Variants in ST3GAL1 observed in about 807,000 individuals in gnomAD.
The protein encoded by ST3GAL1 is ST3 beta-galactoside alpha-2,3-sialyltransferase 1.
Under a neutral mutation model 34.1 loss-of-function variants are expected in ST3GAL1, and 16 were observed. That is an observed-to-expected ratio of 0.47 (90% CI 0.32 to 0.71). The LOEUF (loss-of-function observed/expected upper bound fraction) is 0.71. ST3GAL1 is among the 30% of genes least tolerant of loss of function. ST3GAL1 has a pLI of 0.04. For missense variants in ST3GAL1, 353 were observed against 447.4 expected (o/e 0.79, Z 1.90); for synonymous variants, 191 against 184.7 (o/e 1.03, Z -0.28).
chr8:133,495,424 GAGA>G (rs1439638585), intron 3 of ST3GAL1, among the ~76,000 whole-genome samples: 4 of 152,222 alleles, frequency 2.6e-5, no homozygotes, highest in African/African-American at 9.6e-5. Context: ...AACTGAGGCT[GAGA>G]AGTTCAGCCA....
At chr8:133,481,715 C>G (rs1586602454) in intron 3 of ST3GAL1, among the ~76,000 whole-genome samples, 1 of 152,098 alleles carries the variant, frequency 6.6e-6, no homozygotes, top group East Asian at 1.9e-4. Flanking sequence ...AGGCTGGTCT[C>G]GAACTCTCGA....
At chr8:133,482,529 C>T (rs898358158) in intron 3 of ST3GAL1, among the ~76,000 whole-genome samples, 16 of 152,228 alleles carry the variant, frequency 1.1e-4, no homozygotes, top group Admixed American at 6.5e-5. Context: ...CCACCACCTC[C>T]CTGCCCCACC....
chr8:133,474,872 C>A (rs998713357), intron 5 of ST3GAL1, among the ~76,000 whole-genome samples: 1 of 152,134 alleles, frequency 6.6e-6, no homozygotes, highest in Non-Finnish European at 1.5e-5. Context: ...TCTGTGTGAG[C>A]CTACCTTGTT....
chr8:133,542,427 C>T (rs953354720), intron 2 of ST3GAL1, among the ~76,000 whole-genome samples: 4 of 152,172 alleles, frequency 2.6e-5, no homozygotes, highest in African/African-American at 7.2e-5. Flanking sequence ...CTAATGATCA[C>T]AAAAGACTGC....
At chr8:133,535,771 G>T (rs1429019845) in intron 2 of ST3GAL1, among the ~76,000 whole-genome samples, 3 of 152,150 alleles carry the variant, frequency 2.0e-5, no homozygotes, top group African/African-American at 7.2e-5. Flanking sequence ...GCATAAGCCA[G>T]CATGGCTTTA....
At chr8:133,544,252 C>T (rs1818615640) in intron 2 of ST3GAL1, among the ~76,000 whole-genome samples, 1 of 152,166 alleles carries the variant, frequency 6.6e-6, no homozygotes, top group African/African-American at 2.4e-5. Context: ...TTGTTATTCC[C>T]ACTTGCACTG....
intron 2 of ST3GAL1, among the ~76,000 whole-genome samples, chr8:133,514,928 G>A (rs997739001): frequency 6.6e-6 from 1 of 152,018 alleles, no homozygotes; most frequent in Non-Finnish European, 1.5e-5. Flanking sequence ...TCCTCCGATG[G>A]CCCCCCGCTC....
At chr8:133,538,259 A>G (rs1818364348) in intron 2 of ST3GAL1, among the ~76,000 whole-genome samples, 1 of 152,226 alleles carries the variant, frequency 6.6e-6, no homozygotes, top group African/African-American at 2.4e-5. Context: ...TCATGTCTGT[A>G]ATCCCATCAC....
At chr8:133,565,918 C>T (rs1819383817) in intron 1 of ST3GAL1, among the ~76,000 whole-genome samples, 1 of 152,236 alleles carries the variant, frequency 6.6e-6, no homozygotes, top group Non-Finnish European at 1.5e-5. Flanking sequence ...GTAGAAAACA[C>T]CTCAACTCCA....
intron 3 of ST3GAL1, chr8:133,489,571 C>T (rs530453617): frequency 4.6e-5 from 7 of 152,476 alleles, no homozygotes; most frequent in African/African-American, 1.7e-4. Context: ...GCTCATGACA[C>T]TGATAGGGTC....
chr8:133,529,431 G>A lies in ST3GAL1; in HGVS notation c.-429+16343C>T, dbSNP rs143150857. Among the ~76,000 whole-genome samples the A allele has an allele frequency of 7.3e-3, 1,115 of 152,292 alleles. 18 individuals are homozygous for A. Among genetic ancestry groups the A allele is most frequent in the African/African-American group, 0.025 (1,059 of 41,554 alleles). ...GGACCTGCTGGCTGTCCCTTATGGT[G>A]GGATGGAAAATTGAGAGGCCCAGCT... On this transcript the variant is annotated intron_variant, in intron 2 of 9. Coordinates refer to ENST00000522652, the MANE Select transcript of ST3GAL1 (RefSeq NM_173344.3).
chr8:133,546,295 C>T (rs1818667081), intron 1 of ST3GAL1, among the ~76,000 whole-genome samples: 1 of 152,048 alleles, frequency 6.6e-6, no homozygotes, highest in South Asian at 2.1e-4. Flanking sequence ...CCAGCCTGAC[C>T]AACGTGGTGA....
chr8:133,562,897 A>C (rs1164976167), intron 1 of ST3GAL1, among the ~76,000 whole-genome samples: 2 of 138,338 alleles, frequency 1.4e-5, no homozygotes, highest in African/African-American at 5.5e-5. Flanking sequence ...CCAAAAAGGT[A>C]AATGTCCAAT....
At chr8:133,528,842 C>T (rs1039834476) in intron 2 of ST3GAL1, among the ~76,000 whole-genome samples, 5 of 152,224 alleles carry the variant, frequency 3.3e-5, no homozygotes, top group Non-Finnish European at 7.3e-5. Context: ...GCTTTGCATT[C>T]GCAGTCCAAT....
At position 133,529,894 on chromosome 8, in the gene ST3GAL1, C is replaced by G. The variant is rs182381163; in HGVS notation, c.-429+15880G>C. On this transcript the variant is annotated intron_variant, in intron 2 of 9. Transcript: ENST00000522652. ...CTTTCTCTTCTCAGTGTTGCTGACC[C>G]CGGGCCCCTCTGCTGCCAGCACTCC... Among the ~76,000 whole-genome samples the G allele has an allele frequency of 6.0e-4, 91 of 152,344 alleles. 1 individual carries two copies. The highest frequency in any genetic ancestry group is 1.4e-3 in the Admixed American group (21 of 15,298).
intron 2 of ST3GAL1, among the ~76,000 whole-genome samples, chr8:133,526,332 C>A (rs766805457): frequency 6.6e-6 from 1 of 152,142 alleles, no homozygotes; most frequent in African/African-American, 2.4e-5. Flanking sequence ...TGGGCTCCTG[C>A]AGATAATTCT....
chr8:133,483,793 G>T (rs1816481508), intron 3 of ST3GAL1, among the ~76,000 whole-genome samples: 1 of 152,120 alleles, frequency 6.6e-6, no homozygotes, highest in South Asian at 2.1e-4. Flanking sequence ...GCCTTGCCTT[G>T]GGTCAGGAGG....
At chr8:133,506,949 A>AAATGAAT (rs1563719012) in intron 2 of ST3GAL1, among the ~76,000 whole-genome samples, 3 of 105,752 alleles carry the variant, frequency 2.8e-5, no homozygotes, top group Non-Finnish European at 5.9e-5. Flanking sequence ...ATAAATAAAT[A>AAATGAAT]AATAAATAAT....
At chr8:133,512,438 A>T (rs1817523076) in intron 2 of ST3GAL1, among the ~76,000 whole-genome samples, 1 of 152,214 alleles carries the variant, frequency 6.6e-6, no homozygotes, top group African/African-American at 2.4e-5. Context: ...GCCCATTCAG[A>T]TTGAGGGTGG....
Sources: allele counts gnomAD v4.1 joint callset (sites outside exome capture counted in the v4.1 genomes callset), GRCh38; gene constraint gnomAD v4.1.1; transcripts MANE v1.5; gene names NCBI Gene and HGNC (gene_info 2026-07-23, HGNC 2026-07-21).